Variants in SNX24 observed in about 807,000 individuals in gnomAD.
SNX24 encodes the protein sorting nexin-24.
In SNX24, 22 loss-of-function variants were observed where a neutral mutation model predicts 28.7. The ratio of observed to expected loss-of-function variants is 0.77; its 90% CI spans 0.55 to 1.10. The LOEUF is 1.10. SNX24 is among the 50% of genes least tolerant of loss of function. SNX24 has a pLI of 0.00. For synonymous variants in SNX24, 69 were observed against 71.5 expected, an observed-to-expected ratio of 0.96 and a Z score of 0.18; for missense variants, 221 against 201.1, an observed-to-expected ratio of 1.10 and a Z score of -0.60.
chr5:122,858,311 G>A (rs1473642764), intron 1 of SNX24, among the ~76,000 whole-genome samples: 1 of 152,196 alleles, frequency 6.6e-6, no homozygotes, highest in African/African-American at 2.4e-5. Flanking sequence ...CATAAAGTGA[G>A]CACATGCTAT....
chr5:123,003,380 CAT>C (rs1762313005), intron 6 of SNX24, among the ~76,000 whole-genome samples: 1 of 152,146 alleles, frequency 6.6e-6, no homozygotes, highest in African/African-American at 2.4e-5. Context: ...AACAAATATA[CAT>C]GTTAGTTGAT....
intron 1 of SNX24, among the ~76,000 whole-genome samples, chr5:122,922,803 A>G (rs1451961115): frequency 6.6e-6 from 1 of 151,830 alleles, no homozygotes; most frequent in Non-Finnish European, 1.5e-5. Context: ...TTTTATATTC[A>G]TTATTTGTTT....
intron 2 of SNX24, among the ~76,000 whole-genome samples, chr5:122,945,043 G>A (rs1051089868): frequency 6.6e-6 from 1 of 152,160 alleles, no homozygotes; most frequent in Non-Finnish European, 1.5e-5. Flanking sequence ...CTGATGTGAG[G>A]AGTCCAAAGT....
chr5:123,004,272 CT>C, intron 6 of SNX24, among the ~76,000 whole-genome samples: 1 of 152,268 alleles, frequency 6.6e-6, no homozygotes, highest in Middle Eastern at 3.4e-3. Flanking sequence ...AAGCATTTGC[CT>C]TTTGGTCTTT....
At chr5:122,867,665 G>A (rs1425286950) in intron 1 of SNX24, among the ~76,000 whole-genome samples, 3 of 152,198 alleles carry the variant, frequency 2.0e-5, no homozygotes, top group Non-Finnish European at 4.4e-5. Flanking sequence ...TGGGGAAAGA[G>A]GCTGACTTGT....
intron 1 of SNX24, among the ~76,000 whole-genome samples, chr5:122,894,554 A>G (rs1581716212): frequency 6.6e-6 from 1 of 152,154 alleles, no homozygotes. Flanking sequence ...TCCTTTGGAT[A>G]GGCATTGGGG....
intron 3 of SNX24, among the ~76,000 whole-genome samples, chr5:122,992,212 T>C (rs935740931): frequency 9.9e-5 from 15 of 152,174 alleles, no homozygotes; most frequent in Non-Finnish European, 2.2e-4. Flanking sequence ...AGTTTAGAGA[T>C]AGCCAAAGAG....
chr5:122,956,830 C>CTTTTTTG (rs1760238078), intron 3 of SNX24, among the ~76,000 whole-genome samples: 1 of 151,526 alleles, frequency 6.6e-6, no homozygotes. Context: ...ATTTGTGTGT[C>CTTTTTTG]TTTTTTGGAG....
At chr5:122,874,247 C>T (rs1251744768) in intron 1 of SNX24, among the ~76,000 whole-genome samples, 1 of 152,198 alleles carries the variant, frequency 6.6e-6, no homozygotes, top group East Asian at 1.9e-4. Context: ...TAGTATGCAA[C>T]CCCAAAGAGT....
intron 1 of SNX24, chr5:122,891,255 A>G (rs1392400183): frequency 8.6e-6 from 8 of 933,346 alleles, no homozygotes; most frequent in Admixed American, 3.9e-5. Context: ...TCTAATATCA[A>G]TGTATTCTAT....
At chr5:122,938,563 A>G (rs1019171416) in intron 2 of SNX24, among the ~76,000 whole-genome samples, 2 of 152,212 alleles carry the variant, frequency 1.3e-5, no homozygotes, top group Non-Finnish European at 2.9e-5. Context: ...AATTTTATGT[A>G]TTATCAAGGG....
At chr5:122,856,121 C>A (rs1755178540) in intron 1 of SNX24, among the ~76,000 whole-genome samples, 1 of 152,278 alleles carries the variant, frequency 6.6e-6, no homozygotes, top group Admixed American at 6.5e-5. Flanking sequence ...CTTCTGCCTC[C>A]CTCCACTCGC....
intron 1 of SNX24, among the ~76,000 whole-genome samples, chr5:122,934,573 T>C (rs1342284620): frequency 3.3e-5 from 5 of 152,144 alleles, no homozygotes; most frequent in African/African-American, 1.2e-4. Flanking sequence ...TTGGCCACAC[T>C]GGTCTCAAAC....
rs75506839 is a variant in SNX24 at position 122,943,149 on chromosome 5, C to T, written c.145-2906C>T. Among the ~76,000 whole-genome samples, 278 of 152,248 alleles carry T rather than the reference C, an allele frequency of 1.8e-3. 1 individual carries two copies. Among genetic ancestry groups the T allele is most frequent in the Middle Eastern group, 0.01 (3 of 294 alleles). ...AGAGATTAAATATGTATTTATTCCC[C>T]TGCAAGCAATTCTAAATTCCCCTCC... On this transcript the variant is annotated intron_variant, in intron 2 of 6. Transcript: ENST00000261369.
At chr5:122,982,894 T>A (rs1311254212) in intron 3 of SNX24, 1 of 152,194 alleles carries the variant, frequency 6.6e-6, no homozygotes, top group Non-Finnish European at 1.5e-5. Flanking sequence ...TGTGTAGGCA[T>A]TGGATATTTT....
intron 1 of SNX24, among the ~76,000 whole-genome samples, chr5:122,923,157 C>A (rs1031564877): frequency 6.6e-6 from 1 of 151,814 alleles, no homozygotes; most frequent in Non-Finnish European, 1.5e-5. Context: ...AAATCAAGAC[C>A]TCATCTCTAC....
At chr5:122,958,227 C>T (rs1456328213) in intron 3 of SNX24, among the ~76,000 whole-genome samples, 1 of 147,282 alleles carries the variant, frequency 6.8e-6, no homozygotes, top group Non-Finnish European at 1.5e-5. Flanking sequence ...ATTTTTTTGT[C>T]ATGAAAGGGT....
At position 123,008,373 on chromosome 5, in the gene SNX24, C is replaced by T. The variant is rs1323112816; in HGVS notation, c.*624C>T. Reference sequence around the variant, plus strand: ...TGCATCATACTCAGGGGTTAGCTTCCAAGGTCAGTACATAGGTAAAATGGG... The same window carrying T: ...TGCATCATACTCAGGGGTTAGCTTCTAAGGTCAGTACATAGGTAAAATGGG... On this transcript the variant is annotated 3_prime_UTR_variant, in exon 7 of 7. Transcript: ENST00000261369. The T allele has an allele frequency of 1.2e-6, 1 of 858,382 alleles. No individual in the cohort carries two copies. Among genetic ancestry groups the T allele is most frequent in the African/African-American group, 1.8e-5 (1 of 54,616 alleles). The allele number at this position is 858,382 out of a possible 1,614,324, so 53.2% of individuals were successfully genotyped here. A position where few individuals can be genotyped will look rare whatever the true frequency, so the allele number is the denominator to read the frequency against.
intron 5 of SNX24, among the ~76,000 whole-genome samples, chr5:123,019,653 A>T (rs1459137966): frequency 6.6e-6 from 1 of 152,240 alleles, no homozygotes; most frequent in Non-Finnish European, 1.5e-5. Context: ...AAAATATTTT[A>T]AAGTGTTGAT....
Sources: gnomAD v4.1 joint callset for allele counts (sites outside exome capture counted in the v4.1 genomes callset) on GRCh38, gnomAD v4.1.1 for gene constraint, MANE v1.5 for transcripts, NCBI Gene and HGNC (gene_info 2026-07-23, HGNC 2026-07-21) for gene names.